The following DIS3L variants were observed in gnomAD, a reference collection of about 807,000 sequenced individuals.
DIS3L encodes DIS3-like exonuclease 1.
Under a neutral mutation model 120.3 loss-of-function variants are expected in DIS3L, and 100 were observed. The ratio of observed to expected loss-of-function variants is 0.83; its 90% CI spans 0.71 to 0.98. The LOEUF (loss-of-function observed/expected upper bound fraction) is 0.98, where lower values mean the gene tolerates loss of function less well. Ranked by LOEUF, DIS3L falls within the 50% of genes least tolerant of loss-of-function variation. The pLI is 0.00. For missense variants in DIS3L, 1,196 were observed against 1,314.2 expected, an observed-to-expected ratio of 0.91 and a Z score of 1.39; for synonymous variants, 426 against 470.6, an observed-to-expected ratio of 0.91 and a Z score of 1.23.
At chr15:66,302,663 C>T (rs1452260711) in intron 2 of DIS3L, among the ~76,000 whole-genome samples, 1 of 152,128 alleles carries the variant, frequency 6.6e-6, no homozygotes, top group Non-Finnish European at 1.5e-5. Flanking sequence ...TCTCCACTCA[C>T]TCTTATTCAT....
At chr15:66,293,829 G>A (rs1277596225) in intron 1 of DIS3L, 94 bp downstream of exon 1, 5 of 1,041,992 alleles carry the variant, frequency 4.8e-6, no homozygotes, top group Admixed American at 1.1e-4. Flanking sequence ...CGCCAGCGGC[G>A]GGGACACGGA....
chr15:66,308,616 G>C (rs2092724115), intron 3 of DIS3L, 93 bp from the exon 4 acceptor site: 2 of 1,499,206 alleles, frequency 1.3e-6, no homozygotes, highest in Non-Finnish European at 1.8e-6. Flanking sequence ...TATCTATATA[G>C]TCCAAAGGAT....
Position 66,326,165 on chromosome 15 carries a change from G to A in DIS3L, c.2002G>A (p.Asp668Asn), listed in dbSNP as rs575067270. ...GCTAGATGACAAAAAGAACATTCAC[G>A]ACCTCATCCCCAAGCAGCCCCTGGA... ...VQLDDKKNIH[D>N]LIPKQPLEVH... Residue 668 changes from aspartate (D) to asparagine (N), a missense_variant, in exon 12 of 17, where the codon GAC becomes AAC. Coordinates refer to ENST00000319212, the MANE Select transcript of DIS3L (RefSeq NM_001143688.3). 12 of 1,614,152 alleles carry A rather than the reference G, an allele frequency of 7.4e-6. No individual in the cohort carries two copies. The highest frequency in any genetic ancestry group is 5.0e-5 in the Admixed American group (3 of 60,012).
chr15:66,304,170 T>A (rs1338415011), intron 2 of DIS3L, among the ~76,000 whole-genome samples: 1 of 149,528 alleles, frequency 6.7e-6, no homozygotes, highest in Non-Finnish European at 1.5e-5. Context: ...TGTGTCTTTA[T>A]CCAGGCATGG....
chr15:66,304,408 G>A (rs1334173791), intron 2 of DIS3L, among the ~76,000 whole-genome samples: 4 of 152,106 alleles, frequency 2.6e-5, no homozygotes, highest in Non-Finnish European at 5.9e-5. Flanking sequence ...AGCCATGATC[G>A]TGCCACTGCA....
At chr15:66,330,108 C>T (rs557284273) in intron 14 of DIS3L, 523 of 950,304 alleles carry the variant, frequency 5.5e-4, no homozygotes, top group Admixed American at 1.4e-3. Flanking sequence ...CGAGACCATC[C>T]GGGCTAACAC....
At chr15:66,295,214 G>A (rs1208384245) in intron 2 of DIS3L, 73 bp downstream of exon 2, 4 of 1,402,160 alleles carry the variant, frequency 2.9e-6, no homozygotes, top group Non-Finnish European at 3.9e-6. Flanking sequence ...CTTGTCGGAG[G>A]GGGATGGGAG....
At chr15:66,294,022 C>G in intron 1 of DIS3L, 1 of 988,476 alleles carries the variant, frequency 1.0e-6, no homozygotes, top group Non-Finnish European at 1.2e-6. Context: ...GGTTTGGCTC[C>G]TCAGAGGGGC....
rs775143371 is a variant in DIS3L at position 66,331,994 on chromosome 15, A to G, written c.2655A>G (p.Thr885=). 5 of 1,611,588 alleles carry G rather than the reference A, an allele frequency of 3.1e-6. No individual in the cohort carries two copies. In the South Asian group the frequency reaches 5.5e-5, roughly 18 times the overall value. ...ISDGVIYSIR[T]NGVLLFIPRF... ...ACGGAGTTATTTATTCAATTAGAAC[A>G]AATGGTGTGCTTCTATTTATACCAA... Residue 885 remains threonine (T), a synonymous_variant, in exon 15 of 17, where the codon ACA becomes ACG. Coordinates refer to ENST00000319212, the MANE Select transcript of DIS3L (RefSeq NM_001143688.3).
chr15:66,313,600 G>A (rs1299517935), intron 5 of DIS3L, among the ~76,000 whole-genome samples: 2 of 151,792 alleles, frequency 1.3e-5, no homozygotes, highest in Non-Finnish European at 1.5e-5. Context: ...CGTGGTGGTG[G>A]ACACCTGTAA....
intron 2 of DIS3L, among the ~76,000 whole-genome samples, chr15:66,305,947 G>T (rs1229468797): frequency 1.3e-5 from 2 of 152,212 alleles, no homozygotes; most frequent in African/African-American, 4.8e-5. Flanking sequence ...TAGGAGACTT[G>T]ATGTTTGATT....
chr15:66,297,925 A>G (rs1434929833), intron 2 of DIS3L, among the ~76,000 whole-genome samples: 7 of 152,086 alleles, frequency 4.6e-5, no homozygotes, highest in Admixed American at 1.3e-4. Context: ...CATGCCCATA[A>G]TCTCAGCACT....
intron 4 of DIS3L, among the ~76,000 whole-genome samples, chr15:66,309,713 C>T (rs1027699125): frequency 5.3e-5 from 8 of 152,196 alleles, no homozygotes; most frequent in African/African-American, 1.9e-4. Context: ...AAGCTCTTAG[C>T]CACCATGCTA....
At chr15:66,313,828 GA>G (rs528420858) in intron 5 of DIS3L, among the ~76,000 whole-genome samples, 2 of 146,114 alleles carry the variant, frequency 1.4e-5, no homozygotes, top group African/African-American at 5.3e-5. Context: ...TCGAAAAAAA[GA>G]AAAAAGTGTA....
intron 14 of DIS3L, chr15:66,330,535 TGCAATGTTGTA>T (rs2092989208): frequency 1.0e-6 from 1 of 985,234 alleles, no homozygotes; most frequent in South Asian, 4.7e-5. Flanking sequence ...TTGTCTGCTG[TGCAATGTTGTA>T]GCACTAGCCA....
At chr15:66,302,849 T>G (rs1276511671) in intron 2 of DIS3L, among the ~76,000 whole-genome samples, 1 of 152,234 alleles carries the variant, frequency 6.6e-6, no homozygotes, top group Non-Finnish European at 1.5e-5. Flanking sequence ...AAGTTGTCAT[T>G]TTAACTATTT....
chr15:66,330,527 G>A (rs2092989144), intron 14 of DIS3L: 1 of 985,326 alleles, frequency 1.0e-6, no homozygotes, highest in Non-Finnish European at 1.2e-6. Flanking sequence ...TGGTATAGTT[G>A]TCTGCTGTGC....
chr15:66,302,240 C>T (rs530789249), intron 2 of DIS3L, among the ~76,000 whole-genome samples: 12 of 152,264 alleles, frequency 7.9e-5, no homozygotes, highest in South Asian at 2.1e-4. Context: ...TGGTGGCCTG[C>T]GTCTGTAGTC....
rs986139035 is a variant in DIS3L, at chr15:66,311,529, G to A, written c.559-195G>A. ...GTTCCACGGTGGAGTGGCTTCCTGG[G>A]GCTCATTTGGCAGGCTCAGGGGTTA... On this transcript the variant is annotated intron_variant, in intron 4 of 16. Coordinates refer to ENST00000319212, the MANE Select transcript of DIS3L (RefSeq NM_001143688.3). 6.4e-4 allele frequency among the ~76,000 whole-genome samples: 97 copies of A among 152,170 alleles called. 1 individual carries two copies. The highest frequency in any genetic ancestry group is 6.3e-3 in the Admixed American group (96 of 15,286).
Sources: allele counts gnomAD v4.1 joint callset (sites outside exome capture counted in the v4.1 genomes callset), GRCh38; gene constraint gnomAD v4.1.1; transcripts MANE v1.5; gene names NCBI Gene and HGNC (gene_info 2026-07-23, HGNC 2026-07-21).